PDE7B: variants seen among roughly 807,000 people sequenced by gnomAD.
PDE7B encodes the protein 3',5'-cyclic-AMP phosphodiesterase 7B.
A neutral mutation model predicts 56.2 loss-of-function variants in PDE7B; 29 were observed. The ratio of observed to expected loss-of-function variants is 0.52; its 90% CI spans 0.38 to 0.70. The LOEUF is 0.70. Ranked by LOEUF, PDE7B falls within the 30% of genes least tolerant of loss-of-function variation. The pLI is 0.00. For missense variants in PDE7B, 490 were observed against 565.0 expected, an observed-to-expected ratio of 0.87 and a Z score of 1.35; for synonymous variants, 197 against 196.9, an observed-to-expected ratio of 1.00 and a Z score of 0.00.
At position 136,172,086 on chromosome 6, in the gene PDE7B, T is replaced by G. The variant is rs543314654; in HGVS notation, c.712-1711T>G. On this transcript the variant is annotated intron_variant, in intron 8 of 12. Transcript: ENST00000308191. ...AAGTCTTTGCTATTGTGAATAGTGC[T>G]GCTATAAACATACGTGTGCATGTGT... 5.2e-3 allele frequency among the ~76,000 whole-genome samples: 797 copies of G among 152,236 alleles called. 4 individuals are homozygous for G. The highest frequency in any genetic ancestry group is 0.017 in the Middle Eastern group (5 of 294).
intron 2 of PDE7B, among the ~76,000 whole-genome samples, chr6:136,083,412 G>GA (rs541749961): frequency 3.3e-5 from 5 of 151,902 alleles, no homozygotes; most frequent in South Asian, 2.1e-4. Context: ...CACCTGTATA[G>GA]AAAAAAAATG....
chr6:136,038,051 TC>T (rs1157369730), intron 2 of PDE7B: 1 of 1,334,920 alleles, frequency 7.5e-7, no homozygotes, highest in Non-Finnish European at 9.9e-7. Flanking sequence ...TGAATCGCTC[TC>T]GTCGGCAGTG....
chr6:136,135,708 T>G (rs940770325), intron 3 of PDE7B, among the ~76,000 whole-genome samples: 1 of 152,132 alleles, frequency 6.6e-6, no homozygotes, highest in African/African-American at 2.4e-5. Flanking sequence ...GCAGCTATTT[T>G]ATGAATAAAT....
intron 2 of PDE7B, among the ~76,000 whole-genome samples, chr6:136,068,725 C>A (rs956000358): frequency 6.6e-6 from 1 of 152,114 alleles, no homozygotes; most frequent in African/African-American, 2.4e-5. Context: ...GCCACCGTGC[C>A]CGGCCTTCAA....
intron 8 of PDE7B, among the ~76,000 whole-genome samples, chr6:136,167,809 T>C (rs541163641): frequency 1.3e-5 from 2 of 152,324 alleles, no homozygotes; most frequent in South Asian, 4.1e-4. Flanking sequence ...GTGTGAGGCA[T>C]AGATTTGAGT....
chr6:136,168,545 T>C (rs1288983927), intron 8 of PDE7B, among the ~76,000 whole-genome samples: 1 of 152,164 alleles, frequency 6.6e-6, no homozygotes, highest in African/African-American at 2.4e-5. Context: ...GTAAAAAATT[T>C]TGTCAAATAA....
intron 1 of PDE7B, among the ~76,000 whole-genome samples, chr6:135,882,165 T>G (rs890690309): frequency 6.6e-6 from 1 of 152,206 alleles, no homozygotes; most frequent in African/African-American, 2.4e-5. Flanking sequence ...GCCTGTTAGG[T>G]ATAAAATTTG....
At chr6:136,103,021 TTG>T (rs1777588577) in intron 2 of PDE7B, among the ~76,000 whole-genome samples, 1 of 152,108 alleles carries the variant, frequency 6.6e-6, no homozygotes, top group African/African-American at 2.4e-5. Context: ...GCAAAGAAAA[TTG>T]TGTTTCATTC....
At chr6:136,180,949 T>C (rs1779052664) in intron 10 of PDE7B, among the ~76,000 whole-genome samples, 1 of 152,168 alleles carries the variant, frequency 6.6e-6, no homozygotes, top group East Asian at 1.9e-4. Context: ...GCCATGGCTT[T>C]CCTTGGCCTG....
At chr6:136,079,752 T>C (rs901311433) in intron 2 of PDE7B, among the ~76,000 whole-genome samples, 2 of 149,064 alleles carry the variant, frequency 1.3e-5, no homozygotes, top group African/African-American at 4.9e-5. Flanking sequence ...AAAAAGACTT[T>C]CCCACTGTTT....
intron 2 of PDE7B, among the ~76,000 whole-genome samples, chr6:136,045,655 G>A (rs1246214243): frequency 6.6e-6 from 1 of 152,046 alleles, no homozygotes; most frequent in Non-Finnish European, 1.5e-5. Flanking sequence ...AAAGCCTTGG[G>A]TCCAAGGGGC....
chr6:135,904,268 G>A (rs1776057743), intron 1 of PDE7B, among the ~76,000 whole-genome samples: 1 of 152,166 alleles, frequency 6.6e-6, no homozygotes, highest in African/African-American at 2.4e-5. Context: ...ACCTGGAATT[G>A]GAAACCAATG....
intron 2 of PDE7B, among the ~76,000 whole-genome samples, chr6:136,061,008 T>A (rs754141074): frequency 4.6e-5 from 7 of 152,194 alleles, no homozygotes; most frequent in Non-Finnish European, 1.0e-4. Context: ...GCTCAATAAT[T>A]ATTTACTGAA....
chr6:136,144,209 TCAC>T (rs759762167), intron 3 of PDE7B, among the ~76,000 whole-genome samples: 15 of 152,086 alleles, frequency 9.9e-5, no homozygotes, highest in African/African-American at 3.4e-4. Context: ...AACTTCTTCT[TCAC>T]ATTTTTTCTC....
intron 1 of PDE7B, among the ~76,000 whole-genome samples, chr6:135,881,262 C>T (rs1775604712): frequency 6.6e-6 from 1 of 150,866 alleles, no homozygotes; most frequent in Non-Finnish European, 1.5e-5. Context: ...CTTTGGGAGG[C>T]TGAAGTGGGC....
chr6:136,015,894 C>T (rs1170676945), intron 2 of PDE7B, among the ~76,000 whole-genome samples: 1 of 152,122 alleles, frequency 6.6e-6, no homozygotes. Flanking sequence ...TAGCCTTTAA[C>T]TCATGCAAGG....
intron 9 of PDE7B, among the ~76,000 whole-genome samples, chr6:136,178,124 TG>T (rs1779008846): frequency 6.6e-6 from 1 of 152,158 alleles, no homozygotes; most frequent in South Asian, 2.1e-4. Context: ...ACAAGAAAAT[TG>T]TTAAAACAAA....
chr6:136,131,637 T>C (rs1388447795), intron 3 of PDE7B, among the ~76,000 whole-genome samples: 1 of 151,990 alleles, frequency 6.6e-6, no homozygotes, highest in Non-Finnish European at 1.5e-5. Flanking sequence ...CTAACCAATG[T>C]CTGTGAATTT....
chr6:136,105,975 T>C (rs1777638962), intron 2 of PDE7B, among the ~76,000 whole-genome samples: 1 of 152,154 alleles, frequency 6.6e-6, no homozygotes, highest in African/African-American at 2.4e-5. Flanking sequence ...AAGGAGCCCA[T>C]GAGATTACAG....
Sources: allele counts gnomAD v4.1 joint callset (sites outside exome capture counted in the v4.1 genomes callset), GRCh38; gene constraint gnomAD v4.1.1; transcripts MANE v1.5; gene names NCBI Gene and HGNC (gene_info 2026-07-23, HGNC 2026-07-21).